CHST7: variants seen among roughly 807,000 people sequenced by gnomAD.
The protein encoded by CHST7 is N-acetylglucosamine 6-O-sulfotransferase 4.
In CHST7, 5 loss-of-function variants were observed where a neutral mutation model predicts 9.0. That is an observed-to-expected ratio of 0.56 (90% CI 0.29 to 1.17). The LOEUF (loss-of-function observed/expected upper bound fraction) is 1.17, where lower values mean the gene tolerates loss of function less well. Ranked by LOEUF, CHST7 falls within the 50% of genes most tolerant of loss-of-function variation. CHST7 has a pLI of 0.08. For missense variants in CHST7, 377 were observed against 485.1 expected, an observed-to-expected ratio of 0.78 and a Z score of 2.09; for synonymous variants, 244 against 237.1, an observed-to-expected ratio of 1.03 and a Z score of -0.27.
At chrX:46,582,413 A>G (rs1025140459) in intron 1 of CHST7, among the ~76,000 whole-genome samples, 1 of 112,151 alleles carries the variant, frequency 8.9e-6, no homozygotes, top group Admixed American at 9.5e-5. Context: ...CAGACTTTCA[A>G]CAACATAGAT....
At chrX:46,597,672 G>T (rs936235963) in intron 1 of CHST7, 88 bp from the exon 2 acceptor site, 7 of 112,724 alleles carry the variant, frequency 6.2e-5, no homozygotes, top group African/African-American at 2.3e-4. Flanking sequence ...TGATTTAAAA[G>T]GCCTTATGTC....
At chrX:46,593,125 G>A (rs1320156346) in intron 1 of CHST7, among the ~76,000 whole-genome samples, 1 of 110,847 alleles carries the variant, frequency 9.0e-6, no homozygotes, top group Non-Finnish European at 1.9e-5. Context: ...AATGTTCCAT[G>A]TATACCTAAA....
intron 1 of CHST7, among the ~76,000 whole-genome samples, chrX:46,593,204 A>G (rs1942580203): frequency 9.0e-6 from 1 of 111,618 alleles, no homozygotes; most frequent in Admixed American, 9.5e-5. Flanking sequence ...GGTTGATGGT[A>G]CTGTTCAGTC....
intron 1 of CHST7, among the ~76,000 whole-genome samples, chrX:46,578,871 C>A (rs193063476): frequency 9.0e-6 from 1 of 111,491 alleles, no homozygotes; most frequent in Admixed American, 9.5e-5. Context: ...CTTAGACCAG[C>A]GGTTCTCAGC....
rs186245579 is a variant in CHST7 at position 46,590,614 on chromosome X, C to G, written c.*32-7146C>G. ...TCAAATAGCTTCCCCCAAAGGAACA[C>G]CTTATATGTAGATCAATATCAACAC... On this transcript the variant is annotated intron_variant, in intron 1 of 1. Transcript: ENST00000276055. Among the ~76,000 whole-genome samples, 282 of 111,806 alleles carry G rather than the reference C, an allele frequency of 2.5e-3. 1 individual carries two copies. The highest frequency in any genetic ancestry group is 8.8e-3 in the African/African-American group (272 of 30,772).
chrX:46,597,278 G>C (rs1162658615), intron 1 of CHST7, among the ~76,000 whole-genome samples: 1 of 112,081 alleles, frequency 8.9e-6, no homozygotes, highest in African/African-American at 3.2e-5. Flanking sequence ...AAAAAGTTCA[G>C]GTGCCACAAA....
rs1420476580 is a variant in CHST7, at chrX:46,598,412, G to A, written c.*684G>A. The A allele has an allele frequency of 8.9e-6, 1 of 112,642 alleles. No homozygotes were observed. The allele number at this position is 112,642 out of a possible 1,213,427, so 9.3% of individuals were successfully genotyped here. Reference sequence around the variant, plus strand: ...TGGAGTCATGTTAATGACAGGATTTGTTTTGTTTGGATGCAGTTCAATTGC... The same window carrying A: ...TGGAGTCATGTTAATGACAGGATTTATTTTGTTTGGATGCAGTTCAATTGC... On this transcript the variant is annotated 3_prime_UTR_variant, in exon 2 of 2. Transcript: ENST00000276055.
intron 1 of CHST7, among the ~76,000 whole-genome samples, chrX:46,597,400 C>T (rs773307072): frequency 3.6e-5 from 4 of 111,733 alleles, no homozygotes; most frequent in Non-Finnish European, 7.5e-5. Context: ...TGGATGGGTA[C>T]GTGGTTGGTG....
At chrX:46,587,031 G>C (rs1294298692) in intron 1 of CHST7, among the ~76,000 whole-genome samples, 1 of 111,614 alleles carries the variant, frequency 9.0e-6, no homozygotes, top group Non-Finnish European at 1.9e-5. Flanking sequence ...CACCACGCCT[G>C]GCTCCAGGTT....
At chrX:46,583,308 A>G (rs1425181117) in intron 1 of CHST7, among the ~76,000 whole-genome samples, 4 of 112,515 alleles carry the variant, frequency 3.6e-5, no homozygotes, top group African/African-American at 1.3e-4. Flanking sequence ...TAAGAATAGT[A>G]GGGATTAAGA....
At chrX:46,594,884 G>A (rs962782114) in intron 1 of CHST7, among the ~76,000 whole-genome samples, 2 of 111,575 alleles carry the variant, frequency 1.8e-5, no homozygotes, top group Non-Finnish European at 3.8e-5. Flanking sequence ...TGACATGCAT[G>A]ATAGATCATT....
intron 1 of CHST7, among the ~76,000 whole-genome samples, chrX:46,579,973 TAGAG>T (rs766205412): frequency 1.8e-5 from 2 of 110,690 alleles, no homozygotes; most frequent in African/African-American, 6.6e-5. Context: ...GTCTGGATGA[TAGAG>T]AGAGACCCTG....
At chrX:46,590,850 T>C (rs1046506802) in intron 1 of CHST7, among the ~76,000 whole-genome samples, 1 of 112,061 alleles carries the variant, frequency 8.9e-6, no homozygotes, top group Non-Finnish European at 1.9e-5. Context: ...TACCCTACCC[T>C]ATCCCACCCC....
intron 1 of CHST7, among the ~76,000 whole-genome samples, 167 bp downstream of exon 1, chrX:46,575,590 C>G (rs936014383): frequency 2.7e-5 from 3 of 112,196 alleles, no homozygotes; most frequent in African/African-American, 9.7e-5. Flanking sequence ...GTAGATTCAT[C>G]GGAATCTCCA....
At chrX:46,588,559 G>A (rs988436073) in intron 1 of CHST7, among the ~76,000 whole-genome samples, 1 of 111,499 alleles carries the variant, frequency 9.0e-6, no homozygotes, top group African/African-American at 3.3e-5. Flanking sequence ...GACCCAGAAT[G>A]AACCCAGAAT....
chrX:46,580,257 A>C (rs1942518754), intron 1 of CHST7, among the ~76,000 whole-genome samples: 1 of 110,302 alleles, frequency 9.1e-6, no homozygotes, highest in Admixed American at 9.7e-5. Context: ...ACGGGGTTTC[A>C]CCATGTTGGC....
In CHST7 at chrX:46,574,151, G is replaced by T. The variant is rs1602105979; in HGVS notation, c.220G>T (p.Ala74Ser). 8.6e-7 allele frequency: 1 copy of T among 1,169,049 alleles called. No individual in the cohort carries two copies. Among genetic ancestry groups the T allele is most frequent in the Non-Finnish European group, 1.1e-6 (1 of 873,717 alleles). Residue 74 changes from alanine to serine, a missense_variant, in exon 1 of 2, where the codon GCC (alanine) becomes TCC (serine). Ala to Ser is a moderately conservative substitution (Grantham distance 99, BLOSUM62 1). Transcript: ENST00000276055. ...CGAGCAGGGAGCGGAGGCGCGGGCC[G>T]CCGAGGAAGGGGGCGCGAACCAGTC... ...EREQGAEARA[A>S]EEGGANQSPR...
At chrX:46,585,808 C>T (rs181166757) in intron 1 of CHST7, among the ~76,000 whole-genome samples, 5 of 111,964 alleles carry the variant, frequency 4.5e-5, no homozygotes, top group South Asian at 3.7e-4. Flanking sequence ...TGCAGTGACG[C>T]GATATCGGCT....
intron 1 of CHST7, among the ~76,000 whole-genome samples, chrX:46,594,459 G>A (rs1942584746): frequency 9.2e-6 from 1 of 109,211 alleles, no homozygotes; most frequent in Non-Finnish European, 1.9e-5. Flanking sequence ...CCCAGGAGGC[G>A]GAGGTTGCAG....
Sources: allele counts gnomAD v4.1 joint callset (sites outside exome capture counted in the v4.1 genomes callset), GRCh38; gene constraint gnomAD v4.1.1; transcripts MANE v1.5; gene names NCBI Gene and HGNC (gene_info 2026-07-23, HGNC 2026-07-21).